KIRREL3: variants seen among roughly 807,000 people sequenced by gnomAD.
The protein encoded by KIRREL3 is kirre like nephrin family adhesion molecule 3, also known as kin of IRRE-like protein 3.
A neutral mutation model predicts 89.7 loss-of-function variants in KIRREL3; 36 were observed. The ratio of observed to expected loss-of-function variants is 0.40; its 90% CI spans 0.31 to 0.53. KIRREL3 has a LOEUF of 0.53. Ranked by LOEUF, KIRREL3 falls within the 20% of genes least tolerant of loss-of-function variation. The pLI, the probability that KIRREL3 is intolerant of heterozygous loss-of-function variation, is 0.49. For synonymous variants in KIRREL3, 445 were observed against 441.4 expected (o/e 1.01, Z -0.10); for missense variants, 864 against 1,056.6 (o/e 0.82, Z 2.53).
In KIRREL3 at chr11:126,528,181, G is replaced by A. The variant is rs1303426336; in HGVS notation, c.134-1494C>T. On this transcript the variant is annotated intron_variant, in intron 2 of 16. Coordinates refer to ENST00000525144, the MANE Select transcript of KIRREL3 (RefSeq NM_032531.4). This position sits in a 1 kb window ranked among gnomAD's most constrained non-coding sequence, Gnocchi z 4.6. ...CTGCTCTACAGACCCAGACCTAACC[G>A]AGGCAAAACTGGACCTGGCGCTCCA... Among the ~76,000 whole-genome samples, 2 of 152,146 alleles carry A rather than the reference G, an allele frequency of 1.3e-5. No homozygotes were observed. The highest frequency in any genetic ancestry group is 6.5e-5 in the Admixed American group (1 of 15,272).
rs147979850 is a variant in KIRREL3, at chr11:126,881,331, C to T, written c.55+119124G>A. On this transcript the variant is annotated intron_variant, in intron 1 of 16. Transcript: ENST00000525144. Reference sequence around the variant, plus strand: ...CTCCCCACGTTCCTTCAGATCAGTGCCCTTGTTAAAGGCTGCAGAGCCCAC... The same window carrying T: ...CTCCCCACGTTCCTTCAGATCAGTGTCCTTGTTAAAGGCTGCAGAGCCCAC... Among the ~76,000 whole-genome samples, 501 of 152,262 alleles carry T rather than the reference C, an allele frequency of 3.3e-3. 1 individual carries two copies. Among genetic ancestry groups the T allele is most frequent in the African/African-American group, 0.011 (449 of 41,554 alleles).
intron 1 of KIRREL3, among the ~76,000 whole-genome samples, chr11:126,619,852 G>A (rs1026500172): frequency 6.6e-6 from 1 of 152,160 alleles, no homozygotes; most frequent in African/African-American, 2.4e-5. Flanking sequence ...ATACCCACCA[G>A]TCTTAAGACC....
chr11:126,521,697 TGTGTGTGTGTGTG>T lies in KIRREL3; in HGVS notation c.284-246_284-234del, dbSNP rs1958599380. 1.3e-5 allele frequency among the ~76,000 whole-genome samples: 1 copy of T among 79,392 alleles called. No individual in the cohort carries two copies. Among genetic ancestry groups the T allele is most frequent in the African/African-American group, 7.9e-5 (1 of 12,580 alleles). 52.1% of individuals were successfully genotyped at this position (79,392 alleles called of 152,430 possible). ...CTGTATGTGTGTGTGTGTGTGTGTGTGTGTGTGTGTGTGTGTGTGTGTGTGTGTGTGTGTATAA... is the reference window on the plus strand; with the variant it reads ...CTGTATGTGTGTGTGTGTGTGTGTGTTGTGTGTGTGTGTGTGTGTGTATAA... On this transcript the variant is annotated intron_variant, in intron 3 of 16. Coordinates refer to ENST00000525144, the MANE Select transcript of KIRREL3 (RefSeq NM_032531.4). This position sits in a 1 kb window ranked among gnomAD's most constrained non-coding sequence, Gnocchi z 4.1.
At chr11:126,543,233 T>C (rs1170299305) in intron 2 of KIRREL3, among the ~76,000 whole-genome samples, 2 of 151,998 alleles carry the variant, frequency 1.3e-5, no homozygotes, top group South Asian at 2.1e-4. Context: ...TTGTTGGAAG[T>C]AGAGATGTTT....
rs748964382 is a variant in KIRREL3, at chr11:126,703,116, G to C, written c.56-140204C>G. On this transcript the variant is annotated intron_variant, in intron 1 of 16. Transcript: ENST00000525144. The surrounding 1 kb of genome is among the most constrained non-coding windows in gnomAD (Gnocchi z 4.6). ...TCTGGGCTGTGAATCCTGGTCAGGT[G>C]GGGGTGGCTGGGCTGGGGCAGGAGA... 6.6e-6 allele frequency among the ~76,000 whole-genome samples: 1 copy of C among 152,226 alleles called. No homozygotes were observed. Among genetic ancestry groups the C allele is most frequent in the Non-Finnish European group, 1.5e-5 (1 of 68,044 alleles).
chr11:126,730,567 A>T (rs1334441540), intron 1 of KIRREL3, among the ~76,000 whole-genome samples: 1 of 152,162 alleles, frequency 6.6e-6, no homozygotes, highest in Non-Finnish European at 1.5e-5. Context: ...ACGTCCAGGG[A>T]CAATTTCTGA....
At position 126,696,143 on chromosome 11, in the gene KIRREL3, G is replaced by A. The variant is rs1432675761; in HGVS notation, c.56-133231C>T. Reference sequence around the variant, plus strand: ...ATGGTGACACGTGCCTGTAGTCCCAGCTACTTGGGAGGCTGAGGTATGAGA... The same window carrying A: ...ATGGTGACACGTGCCTGTAGTCCCAACTACTTGGGAGGCTGAGGTATGAGA... On this transcript the variant is annotated intron_variant, in intron 1 of 16. Transcript: ENST00000525144. This position sits in a 1 kb window ranked among gnomAD's most constrained non-coding sequence, Gnocchi z 4.4. Among the ~76,000 whole-genome samples the A allele has an allele frequency of 1.3e-5, 2 of 151,864 alleles. No individual in the cohort carries two copies. The highest frequency in any genetic ancestry group is 1.9e-4 in the East Asian group (1 of 5,172).
In KIRREL3 at chr11:126,522,471, C is replaced by T. The variant is rs1958628483; in HGVS notation, c.284-1007G>A. Among the ~76,000 whole-genome samples the T allele has an allele frequency of 6.6e-6, 1 of 152,186 alleles. No individual in the cohort carries two copies. The highest frequency in any genetic ancestry group is 2.1e-4 in the South Asian group (1 of 4,830). On this transcript the variant is annotated intron_variant, in intron 3 of 16. Transcript: ENST00000525144. This position sits in a 1 kb window ranked among gnomAD's most constrained non-coding sequence, Gnocchi z 6.0. ...CATTCCTCCTGTCCCGCCAGAAGCC[C>T]CAGGTCCTGGTGACGCACTTATGAA...
At chr11:126,699,086 C>T (rs949900685) in intron 1 of KIRREL3, among the ~76,000 whole-genome samples, 12 of 152,106 alleles carry the variant, frequency 7.9e-5, no homozygotes, top group African/African-American at 2.2e-4. Flanking sequence ...AGAGGCAGGA[C>T]AGGTCAAAAA....
Position 126,537,905 on chromosome 11 carries a change from C to T in KIRREL3, c.134-11218G>A, listed in dbSNP as rs767864520. 6.6e-6 allele frequency among the ~76,000 whole-genome samples: 1 copy of T among 152,220 alleles called. No homozygotes were observed. Among genetic ancestry groups the T allele is most frequent in the Non-Finnish European group, 1.5e-5 (1 of 68,040 alleles). On this transcript the variant is annotated intron_variant, in intron 2 of 16. Transcript: ENST00000525144. This position sits in a 1 kb window ranked among gnomAD's most constrained non-coding sequence, Gnocchi z 4.3. ...GCACCTGTCTTGCGGAGTCCCAGAG[C>T]TGAGAACGGAGGCTTTGCAAATCTG...
At chr11:126,469,263 G>A (rs934488057) in intron 5 of KIRREL3, among the ~76,000 whole-genome samples, 11 of 152,260 alleles carry the variant, frequency 7.2e-5, no homozygotes, top group African/African-American at 2.4e-4. Context: ...CGTCAGACCC[G>A]ACAGCAGCCA....
intron 1 of KIRREL3, among the ~76,000 whole-genome samples, chr11:126,637,637 T>C (rs369307680): frequency 9.9e-5 from 15 of 152,232 alleles, no homozygotes; most frequent in African/African-American, 3.4e-4. Flanking sequence ...TCTGGGCTGA[T>C]GAAATCTACT....
At chr11:126,540,902 G>A (rs1052348409) in intron 2 of KIRREL3, among the ~76,000 whole-genome samples, 6 of 152,172 alleles carry the variant, frequency 3.9e-5, no homozygotes, top group African/African-American at 1.4e-4. Context: ...TGAGTCTCAG[G>A]CTCTTGTGTC....
intron 1 of KIRREL3, among the ~76,000 whole-genome samples, chr11:126,848,122 C>A (rs972090414): frequency 1.3e-5 from 2 of 152,138 alleles, no homozygotes. Flanking sequence ...ATCTTGGGAC[C>A]TCAACAGGAG....
At chr11:126,586,795 A>G (rs1036558129) in intron 1 of KIRREL3, among the ~76,000 whole-genome samples, 1 of 152,074 alleles carries the variant, frequency 6.6e-6, no homozygotes, top group Admixed American at 6.5e-5. Context: ...ACAGCTTTGC[A>G]TCACTTGGGC....
In KIRREL3 at chr11:126,780,246, G is replaced by A. The variant is rs910624012; in HGVS notation, c.56-217334C>T. Among the ~76,000 whole-genome samples the A allele has an allele frequency of 3.9e-5, 6 of 152,226 alleles. No homozygotes were observed. The highest frequency in any genetic ancestry group is 7.3e-5 in the Non-Finnish European group (5 of 68,038). ...AACAGAAACCCCAGCTAGCGTGGGT[G>A]TGTGGACTGCAGATGTGTAAGAGCA... is the stretch of plus-strand genomic sequence containing the variant. On this transcript the variant is annotated intron_variant, in intron 1 of 16. Coordinates refer to ENST00000525144, the MANE Select transcript of KIRREL3 (RefSeq NM_032531.4). This position sits in a 1 kb window ranked among gnomAD's most constrained non-coding sequence, Gnocchi z 5.3.
chr11:126,584,124 C>T (rs919440041), intron 1 of KIRREL3, among the ~76,000 whole-genome samples: 2 of 152,142 alleles, frequency 1.3e-5, no homozygotes, highest in South Asian at 2.1e-4. Context: ...AAGCCATCCT[C>T]GTGAGTAAAA....
rs747399849 is a variant in KIRREL3, at chr11:126,808,996, A to C, written c.55+191459T>G. On this transcript the variant is annotated intron_variant, in intron 1 of 16. Coordinates refer to ENST00000525144, the MANE Select transcript of KIRREL3 (RefSeq NM_032531.4). This position sits in a 1 kb window ranked among gnomAD's most constrained non-coding sequence, Gnocchi z 4.1. ...TTTCCCCCAAAAAACAAATGCAACT[A>C]TTCTGTTTTCTTTGCCTTAGGAAAA... is the stretch of plus-strand genomic sequence containing the variant. 6.6e-6 allele frequency among the ~76,000 whole-genome samples: 1 copy of C among 152,210 alleles called. No individual in the cohort carries two copies. Among genetic ancestry groups the C allele is most frequent in the African/African-American group, 2.4e-5 (1 of 41,446 alleles).
At chr11:126,957,651 G>A (rs1948963407) in intron 1 of KIRREL3, among the ~76,000 whole-genome samples, 1 of 152,198 alleles carries the variant, frequency 6.6e-6, no homozygotes, top group African/African-American at 2.4e-5. Context: ...CTAAGATGAA[G>A]GAGGCAGGGT....
Sources: gnomAD v4.1 joint callset for allele counts (sites outside exome capture counted in the v4.1 genomes callset) on GRCh38, gnomAD v4.1.1 for gene constraint, Gnocchi (gnomAD v3.1) non-coding constraint, MANE v1.5 for transcripts, NCBI Gene and HGNC (gene_info 2026-07-23, HGNC 2026-07-21) for gene names.